DRC9: variants seen among roughly 807,000 people sequenced by gnomAD.
The protein encoded by DRC9 is dynein regulatory complex protein 9.
the DRC9 span, chr3:197,950,935 G>A: frequency 1.2e-6 from 2 of 1,613,958 alleles, no homozygotes; most frequent in African/African-American, 1.3e-5. Context: ...TTTGTTTTAA[G>A]GCCTGCTGGG....
chr3:197,904,001 T>C, the DRC9 span, among the ~76,000 whole-genome samples: 884 of 103,900 alleles, frequency 8.5e-3, 15 homozygotes, highest in South Asian at 0.032. Context: ...CATATATATA[T>C]ACATACATAT....
chr3:197,894,049 G>A, the DRC9 span, among the ~76,000 whole-genome samples: 2 of 152,276 alleles, frequency 1.3e-5, no homozygotes, highest in African/African-American at 4.8e-5. Flanking sequence ...ATGTATTTAA[G>A]CTATGTGATA....
chr3:197,906,753 G>T, the DRC9 span: 1 of 152,210 alleles, frequency 6.6e-6, no homozygotes, highest in African/African-American at 2.4e-5. Context: ...ATTCTTTGGG[G>T]GAAATCCCCC....
chr3:197,955,569 G>GT, the DRC9 span, among the ~76,000 whole-genome samples: 2 of 152,220 alleles, frequency 1.3e-5, no homozygotes, highest in East Asian at 1.9e-4. Context: ...GCCAGTACAT[G>GT]TTTTTTATGA....
chr3:197,931,374 T>A, the DRC9 span, among the ~76,000 whole-genome samples: 1 of 151,576 alleles, frequency 6.6e-6, no homozygotes, highest in Admixed American at 6.6e-5. Context: ...CCCAGCTACT[T>A]CGGAGGCTGA....
At chr3:197,902,919 T>C in the DRC9 span, among the ~76,000 whole-genome samples, 1 of 152,098 alleles carries the variant, frequency 6.6e-6, no homozygotes, top group African/African-American at 2.4e-5. Flanking sequence ...CATTACCTGA[T>C]TTGAAATTAT....
the DRC9 span, among the ~76,000 whole-genome samples, chr3:197,943,138 TAA>T: frequency 6.6e-6 from 1 of 152,192 alleles, no homozygotes; most frequent in South Asian, 2.1e-4. Context: ...ATTAAAGCGT[TAA>T]GAGTGGAGTT....
chr3:197,900,013 C>G, the DRC9 span, among the ~76,000 whole-genome samples: 1 of 152,166 alleles, frequency 6.6e-6, no homozygotes, highest in African/African-American at 2.4e-5. The surrounding 1 kb of genome is among the most constrained non-coding windows in gnomAD (Gnocchi z 4.7). Flanking sequence ...GCTGCCGTCA[C>G]AGTGGAAAAA....
chr3:197,938,438 A>C, the DRC9 span: 1 of 750,460 alleles, frequency 1.3e-6, no homozygotes, highest in Non-Finnish European at 2.3e-6. Flanking sequence ...GTCATTTTGC[A>C]TACACAGTAA....
chr3:197,948,225 G>A, the DRC9 span, among the ~76,000 whole-genome samples: 2 of 152,142 alleles, frequency 1.3e-5, no homozygotes, highest in African/African-American at 2.4e-5. Flanking sequence ...GAGCCACTGC[G>A]CCCGGCCCAT....
At chr3:197,937,229 T>C in the DRC9 span, among the ~76,000 whole-genome samples, 2 of 152,196 alleles carry the variant, frequency 1.3e-5, no homozygotes, top group African/African-American at 2.4e-5. Flanking sequence ...CAGGCTTATT[T>C]GTCATCGAGC....
At chr3:197,946,383 C>T in the DRC9 span, among the ~76,000 whole-genome samples, 3 of 140,138 alleles carry the variant, frequency 2.1e-5, no homozygotes, top group Non-Finnish European at 3.0e-5. Flanking sequence ...TGCAGTGAGC[C>T]GAGATCGCGC....
the DRC9 span, chr3:197,959,903 C>A: frequency 2.5e-6 from 1 of 404,480 alleles, no homozygotes. Context: ...TACGTCTAAA[C>A]ACCTGGCACC....
At chr3:197,895,946 G>T in the DRC9 span, among the ~76,000 whole-genome samples, 2 of 133,776 alleles carry the variant, frequency 1.5e-5, no homozygotes, top group African/African-American at 3.1e-5. Flanking sequence ...TTGCACTCCA[G>T]CCTGGGCAAC....
At chr3:197,895,726 A>G in the DRC9 span, among the ~76,000 whole-genome samples, 6 of 152,136 alleles carry the variant, frequency 3.9e-5, no homozygotes, top group Admixed American at 2.0e-4. Context: ...AATCCCAGCC[A>G]GCACTTTGGG....
At chr3:197,924,551 C>T in the DRC9 span, among the ~76,000 whole-genome samples, 6 of 151,816 alleles carry the variant, frequency 4.0e-5, no homozygotes, top group South Asian at 2.1e-4. Context: ...GACGGAGTCT[C>T]GCTCTGTCAC....
At chr3:197,902,528 AT>A in the DRC9 span, among the ~76,000 whole-genome samples, 1 of 152,106 alleles carries the variant, frequency 6.6e-6, no homozygotes, top group Non-Finnish European at 1.5e-5. Context: ...GATTGAAATA[AT>A]TAAAAAGAAG....
chr3:197,944,593 C>T, the DRC9 span, among the ~76,000 whole-genome samples: 15 of 152,270 alleles, frequency 9.9e-5, no homozygotes, highest in Non-Finnish European at 1.3e-4. Context: ...GGACTACAGG[C>T]GTCCACCAAC....
At chr3:197,932,241 T>C in the DRC9 span, 1 of 1,613,566 alleles carries the variant, frequency 6.2e-7, no homozygotes, top group Non-Finnish European at 8.5e-7. Flanking sequence ...AGGAGACTGT[T>C]GTAAGTGGCC....
Sources: allele counts gnomAD v4.1 joint callset (sites outside exome capture counted in the v4.1 genomes callset), GRCh38; gene constraint gnomAD v4.1.1; non-coding constraint Gnocchi (gnomAD v3.1); transcripts MANE v1.5; gene names NCBI Gene and HGNC (gene_info 2026-07-23, HGNC 2026-07-21).